The following KANSL1 variants were observed in gnomAD, a reference collection of about 807,000 sequenced individuals.
KANSL1 encodes the protein KAT8 regulatory NSL complex subunit 1, also known as MLL1/MLL complex subunit KANSL1.
KANSL1 carries 22 observed loss-of-function variants against 103.6 expected under a neutral mutation model. The ratio of observed to expected loss-of-function variants is 0.21; its 90% CI spans 0.15 to 0.30. The LOEUF (loss-of-function observed/expected upper bound fraction) is 0.30. Among genes scored for constraint, KANSL1 ranks in the 10% least tolerant of loss-of-function variants. The pLI, the probability that KANSL1 is intolerant of heterozygous loss-of-function variation, is 1.00. For synonymous variants in KANSL1, 600 were observed against 527.6 expected (o/e 1.14, Z -1.88); for missense variants, 1,337 against 1,399.8 (o/e 0.96, Z 0.72).
At chr17:46,188,490 G>A (rs1321674284) in intron 1 of KANSL1, among the ~76,000 whole-genome samples, 2 of 152,206 alleles carry the variant, frequency 1.3e-5, no homozygotes, top group Non-Finnish European at 2.9e-5. Flanking sequence ...CCAAGAAACA[G>A]TTATGAAGTC....
chr17:46,214,298 A>G (rs2048271074), intron 1 of KANSL1, among the ~76,000 whole-genome samples: 1 of 152,210 alleles, frequency 6.6e-6, no homozygotes, highest in African/African-American at 2.4e-5. Flanking sequence ...ACCCTCCTAA[A>G]GATGCATGTC....
intron 3 of KANSL1, chr17:46,093,193 T>A (rs778755242): frequency 1.3e-5 from 2 of 152,204 alleles, no homozygotes; most frequent in Non-Finnish European, 2.9e-5. Flanking sequence ...ACTGTGTTTT[T>A]CTCCTCAGTA....
chr17:46,206,307 G>C (rs1027710392), intron 1 of KANSL1, among the ~76,000 whole-genome samples: 1 of 152,216 alleles, frequency 6.6e-6, no homozygotes, highest in African/African-American at 2.4e-5. Context: ...AAGACAGTGT[G>C]GTAGTGGCAT....
At chr17:46,062,118 C>CAAACA (rs1568403417) in intron 6 of KANSL1, among the ~76,000 whole-genome samples, 5 of 108,780 alleles carry the variant, frequency 4.6e-5, no homozygotes, top group African/African-American at 1.8e-4. Context: ...AACAAACAAA[C>CAAACA]AAAAAAAAAA....
At chr17:46,113,221 G>A (rs1367406747) in intron 2 of KANSL1, among the ~76,000 whole-genome samples, 1 of 152,212 alleles carries the variant, frequency 6.6e-6, no homozygotes, top group African/African-American at 2.4e-5. Context: ...CTGACACTAA[G>A]AAACCTTGCT....
At chr17:46,140,219 T>C (rs928631233) in intron 2 of KANSL1, among the ~76,000 whole-genome samples, 2 of 152,170 alleles carry the variant, frequency 1.3e-5, no homozygotes, top group Admixed American at 1.3e-4. Context: ...AAATATGTAA[T>C]CTATACAACC....
intron 6 of KANSL1, among the ~76,000 whole-genome samples, chr17:46,061,079 T>G (rs1029529654): frequency 6.6e-6 from 1 of 152,194 alleles, no homozygotes; most frequent in African/African-American, 2.4e-5. Flanking sequence ...CCATTACCTA[T>G]TCTACTGGTT....
At chr17:46,219,523 T>C (rs1348953902) in intron 1 of KANSL1, among the ~76,000 whole-genome samples, 1 of 152,156 alleles carries the variant, frequency 6.6e-6, no homozygotes, top group African/African-American at 2.4e-5. Flanking sequence ...CCACCATGCC[T>C]GGCTAATTTT....
chr17:46,066,684 A>C lies in KANSL1; in HGVS notation c.1701T>G (p.Ala567=). ...ADHIPGDSSD[A]EEQLHKKQRL... ...GTTGCTTCTTATGTAATTGTTCCTCAGCATCAGAGCTGTCACCTGGAATGT... is the reference window on the plus strand; with the variant it reads ...GTTGCTTCTTATGTAATTGTTCCTCCGCATCAGAGCTGTCACCTGGAATGT... The change falls in exon 6 of 15, where the codon GCT becomes GCG. Residue 567 remains alanine, a synonymous_variant. Coordinates refer to ENST00000432791, the MANE Select transcript of KANSL1 (RefSeq NM_015443.4). 6.2e-7 allele frequency: 1 copy of C among 1,614,202 alleles called. No individual in the cohort carries two copies. The highest frequency in any genetic ancestry group is 8.5e-7 in the Non-Finnish European group (1 of 1,180,024).
chr17:46,041,878 T>TTTTGTGTGTGTGTG (rs1445996410), intron 7 of KANSL1: 2 of 122,648 alleles, frequency 1.6e-5, no homozygotes, highest in African/African-American at 5.5e-5. Context: ...GAAATTTATT[T>TTTTGTGTGTGTGTG]TGTGTGTGTG....
chr17:46,094,350 G>T, intron 3 of KANSL1: 1 of 586,390 alleles, frequency 1.7e-6, no homozygotes, highest in Non-Finnish European at 2.9e-6. Flanking sequence ...TCCTGCCTTG[G>T]CCTCCCAAAG....
chr17:46,155,132 AATCCAATAGTTCTC>A (rs1440549468), intron 2 of KANSL1, among the ~76,000 whole-genome samples: 2 of 151,604 alleles, frequency 1.3e-5, no homozygotes, highest in African/African-American at 4.9e-5. Context: ...AGGAGGCCCT[AATCCAATAGTTCTC>A]AGCCAGGGAT....
chr17:46,062,091 C>CAAAAAAAAAAAAAAAAA (rs35638067), intron 6 of KANSL1, among the ~76,000 whole-genome samples: 1 of 70,076 alleles, frequency 1.4e-5, no homozygotes. Context: ...GACTCCGACT[C>CAAAAAAAAAAAAAAAAA]AAAAAAAAAA....
rs1265640215 is a variant in KANSL1 at position 46,146,701 on chromosome 17, C to T, written c.1289+24154G>A. 4.2e-5 allele frequency among the ~76,000 whole-genome samples: 6 copies of T among 143,626 alleles called. No individual in the cohort carries two copies. In the East Asian group the frequency reaches 1.2e-3, roughly 28 times the overall value. The allele number at this position is 143,626 out of a possible 152,430, so 94.2% of individuals were successfully genotyped here. A position where few individuals can be genotyped will look rare whatever the true frequency, so the allele number is the denominator to read the frequency against. Reference sequence around the variant, plus strand: ...ACAAAAAATTAGCCGGGCGTAGTGGCGGGCGCCTGTAGTCCCAGCTACTTG... The same window carrying T: ...ACAAAAAATTAGCCGGGCGTAGTGGTGGGCGCCTGTAGTCCCAGCTACTTG... On this transcript the variant is annotated intron_variant, in intron 2 of 14. Transcript: ENST00000432791.
upstream of KANSL1, chr17:46,193,474 G>C (rs1236759969): frequency 6.6e-6 from 1 of 150,808 alleles, no homozygotes; most frequent in Non-Finnish European, 1.5e-5. Flanking sequence ...ACGGGGAGGA[G>C]GGACAGCAGC....
chr17:46,032,125 A>G lies in KANSL1; in HGVS notation c.3012T>C (p.Pro1004=). The part of the protein sequence containing the change: ...SPELHSAPLT[P]VARDTPRHLA... ...AGTGTCGCGGAGTGTCCCGAGCCAC[A>G]GGGGTGAGGGGTGCTGAGTGCAGTT... is the stretch of plus-strand genomic sequence containing the variant. Residue 1004 remains proline (P), a synonymous_variant, in exon 14 of 15, where the codon CCT becomes CCC. Transcript: ENST00000432791. 6.2e-7 allele frequency: 1 copy of G among 1,614,028 alleles called. No homozygotes were observed. The highest frequency in any genetic ancestry group is 8.5e-7 in the Non-Finnish European group (1 of 1,179,958).
chr17:46,205,964 C>A (rs531651370), intron 1 of KANSL1, among the ~76,000 whole-genome samples: 5 of 151,472 alleles, frequency 3.3e-5, no homozygotes, highest in African/African-American at 4.9e-5. Context: ...GTAATCCTAG[C>A]TGCTTGGGGG....
chr17:46,154,067 G>A (rs948407662), intron 2 of KANSL1, among the ~76,000 whole-genome samples: 1 of 152,220 alleles, frequency 6.6e-6, no homozygotes, highest in Non-Finnish European at 1.5e-5. Flanking sequence ...AATTTTTGGA[G>A]TAGAGGTTAA....
chr17:46,064,531 A>T (rs532735310), intron 6 of KANSL1, among the ~76,000 whole-genome samples: 3 of 152,138 alleles, frequency 2.0e-5, no homozygotes, highest in African/African-American at 7.2e-5. Flanking sequence ...ACTGCTCACC[A>T]ATGTCTGCAA....
Sources: gnomAD v4.1 joint callset for allele counts (sites outside exome capture counted in the v4.1 genomes callset) on GRCh38, gnomAD v4.1.1 for gene constraint, MANE v1.5 for transcripts, NCBI Gene and HGNC (gene_info 2026-07-23, HGNC 2026-07-21) for gene names.